Variants in RAB27A observed in about 807,000 individuals in gnomAD.
The protein encoded by RAB27A is ras-related protein Rab-27A.
In RAB27A, 17 loss-of-function variants were observed where a neutral mutation model predicts 20.8. The ratio of observed to expected loss-of-function variants is 0.82; its 90% confidence interval spans 0.56 to 1.23. The LOEUF is 1.23. Ranked by LOEUF, RAB27A falls within the 50% of genes most tolerant of loss-of-function variation. The pLI, the probability that RAB27A is intolerant of heterozygous loss-of-function variation, is 0.00. For missense variants in RAB27A, 277 were observed against 266.7 expected (o/e 1.04, Z -0.27); for synonymous variants, 85 against 92.8 (o/e 0.92, Z 0.48).
intron 2 of RAB27A, among the ~76,000 whole-genome samples, chr15:55,258,770 G>A (rs1291675899): frequency 1.3e-5 from 2 of 152,014 alleles, no homozygotes; most frequent in Admixed American, 1.3e-4. Context: ...TAGTTTCTTG[G>A]CCATCTAGTT....
At chr15:55,318,514 C>G (rs1417408783) in intron 1 of RAB27A, among the ~76,000 whole-genome samples, 2 of 150,748 alleles carry the variant, frequency 1.3e-5, no homozygotes, top group Non-Finnish European at 3.0e-5. Flanking sequence ...ACCAGCCAGG[C>G]CAATATGGTG....
intron 2 of RAB27A, among the ~76,000 whole-genome samples, chr15:55,310,530 T>A (rs1174267458): frequency 6.6e-6 from 1 of 152,194 alleles, no homozygotes; most frequent in Non-Finnish European, 1.5e-5. Flanking sequence ...CAATCTTTTT[T>A]AAAGTGTCCT....
intron 2 of RAB27A, among the ~76,000 whole-genome samples, chr15:55,237,137 C>T (rs1365180437): frequency 1.3e-5 from 2 of 152,312 alleles, no homozygotes; most frequent in Admixed American, 6.5e-5. Context: ...TTGGATGCTA[C>T]TGACTCCCGG....
intron 5 of RAB27A, 38 bp downstream of exon 5, chr15:55,228,571 G>T (rs778186654): frequency 7.1e-7 from 1 of 1,415,052 alleles, no homozygotes; most frequent in Admixed American, 1.7e-5. Context: ...AATAAGAGGG[G>T]ACTGTGTAGC....
chr15:55,255,840 C>T (rs181479510), intron 2 of RAB27A, among the ~76,000 whole-genome samples: 57 of 152,182 alleles, frequency 3.7e-4, no homozygotes, highest in African/African-American at 1.2e-3. Context: ...GGGAGAAAAA[C>T]GTCTGGTACA....
chr15:55,262,486 G>A (rs1232118302), intron 2 of RAB27A, among the ~76,000 whole-genome samples: 1 of 150,414 alleles, frequency 6.6e-6, no homozygotes, highest in Non-Finnish European at 1.5e-5. Flanking sequence ...AGCTTGCAGT[G>A]AGCCGAGATC....
intron 1 of RAB27A, among the ~76,000 whole-genome samples, chr15:55,282,263 A>G (rs1447006283): frequency 6.6e-6 from 1 of 152,238 alleles, no homozygotes; most frequent in East Asian, 1.9e-4. Flanking sequence ...GAACATAAAA[A>G]GAACACACCA....
At chr15:55,276,067 T>G (rs566863549) in intron 1 of RAB27A, among the ~76,000 whole-genome samples, 65 of 152,210 alleles carry the variant, frequency 4.3e-4, no homozygotes, top group African/African-American at 1.5e-3. Flanking sequence ...TTTCAAAAAT[T>G]TTTTAAATAG....
chr15:55,205,368 C>T lies in RAB27A; in HGVS notation c.*139G>A. The T allele has an allele frequency of 3.6e-6, 3 of 836,008 alleles. No homozygotes were observed. The highest frequency in any genetic ancestry group is 6.1e-6 in the Non-Finnish European group (3 of 493,336). 51.8% of individuals were successfully genotyped at this position (836,008 alleles called of 1,614,324 possible). A position where few individuals can be genotyped will look rare whatever the true frequency, so the allele number is the denominator to read the frequency against. On this transcript the variant is annotated 3_prime_UTR_variant, in exon 7 of 7. Transcript: ENST00000336787. ...AACAAATTAATTTTAGAACCGGATG[C>T]TTTATTCGTAGGTCTAATGGGGATG... is the stretch of plus-strand genomic sequence containing the variant.
chr15:55,206,398 G>A (rs1391290545), intron 6 of RAB27A: 2 of 255,048 alleles, frequency 7.8e-6, no homozygotes, highest in Non-Finnish European at 1.2e-5. Context: ...CACCCAGGCT[G>A]GAGTGCAGTG....
chr15:55,239,983 T>C (rs1459590771), intron 2 of RAB27A, among the ~76,000 whole-genome samples: 1 of 152,148 alleles, frequency 6.6e-6, no homozygotes, highest in Non-Finnish European at 1.5e-5. Flanking sequence ...TACCAGACTA[T>C]ACTCCCACCT....
At chr15:55,216,337 A>G (rs1794916662) in intron 6 of RAB27A, among the ~76,000 whole-genome samples, 1 of 152,176 alleles carries the variant, frequency 6.6e-6, no homozygotes, top group African/African-American at 2.4e-5. Context: ...GTTCAAGATC[A>G]GCCTGGCCAA....
upstream of RAB27A, among the ~76,000 whole-genome samples, chr15:55,292,426 T>G (rs2054926937): frequency 6.6e-6 from 1 of 152,090 alleles, no homozygotes; most frequent in South Asian, 2.1e-4. Context: ...GTCTGAGAGG[T>G]CAATTAGCAC....
intron 2 of RAB27A, among the ~76,000 whole-genome samples, chr15:55,309,200 C>T (rs1279023748): frequency 2.0e-5 from 3 of 152,136 alleles, no homozygotes; most frequent in Non-Finnish European, 4.4e-5. Context: ...AATCCATATT[C>T]GACAGAAACC....
At chr15:55,258,875 T>C (rs563558870) in intron 2 of RAB27A, among the ~76,000 whole-genome samples, 2 of 152,274 alleles carry the variant, frequency 1.3e-5, no homozygotes, top group South Asian at 4.1e-4. Context: ...CCCAGGCTGG[T>C]GTGCAATGGC....
chr15:55,277,178 G>A (rs901535723), intron 1 of RAB27A, among the ~76,000 whole-genome samples: 11 of 152,090 alleles, frequency 7.2e-5, no homozygotes, highest in Admixed American at 2.0e-4. Flanking sequence ...AATAGATAAT[G>A]ACTAAAACTG....
intron 6 of RAB27A, among the ~76,000 whole-genome samples, chr15:55,213,070 T>C (rs62020115): frequency 0.11 from 17,016 of 152,284 alleles, 990 homozygotes; most frequent in South Asian, 0.16. Context: ...GATAACATTG[T>C]ATTTCCTTCA....
intron 4 of RAB27A, among the ~76,000 whole-genome samples, chr15:55,229,360 C>T (rs1895942582): frequency 6.6e-6 from 1 of 152,178 alleles, no homozygotes; most frequent in South Asian, 2.1e-4. Context: ...TTCTCAAATA[C>T]TTTTAATCAA....
At chr15:55,314,186 C>G (rs2055034057) in intron 1 of RAB27A, 1 of 146,930 alleles carries the variant, frequency 6.8e-6, no homozygotes, top group Non-Finnish European at 1.5e-5. Context: ...AAAAAAATTA[C>G]CTATGCTGGT....
Sources: allele counts gnomAD v4.1 joint callset (sites outside exome capture counted in the v4.1 genomes callset), GRCh38; gene constraint gnomAD v4.1.1; transcripts MANE v1.5; gene names NCBI Gene and HGNC (gene_info 2026-07-23, HGNC 2026-07-21).